DLG2: variants seen among roughly 807,000 people sequenced by gnomAD.
DLG2 encodes the protein discs large MAGUK scaffold protein 2, also known as disks large homolog 2.
Under a neutral mutation model 132.5 loss-of-function variants are expected in DLG2, and 45 were observed. The observed-to-expected ratio is 0.34, with a 90% CI of 0.27 to 0.44. DLG2 has a LOEUF of 0.44. Ranked by LOEUF, DLG2 falls within the 20% of genes least tolerant of loss-of-function variation. The probability of loss-of-function intolerance (pLI) is 1.00; values close to 1 mark genes in which losing one functional copy is unlikely to be tolerated. For missense variants in DLG2, 1,045 were observed against 1,196.9 expected (o/e 0.87, Z 1.87); for synonymous variants, 424 against 419.6 (o/e 1.01, Z -0.13).
chr11:84,434,019 G>A (rs2098992987), intron 7 of DLG2, among the ~76,000 whole-genome samples: 1 of 151,742 alleles, frequency 6.6e-6, no homozygotes, highest in African/African-American at 2.4e-5. Context: ...TCGGAAGGCT[G>A]CGGTGGGAGG....
At chr11:84,309,786 T>C (rs2098268930) in intron 7 of DLG2, among the ~76,000 whole-genome samples, 1 of 152,212 alleles carries the variant, frequency 6.6e-6, no homozygotes, top group Non-Finnish European at 1.5e-5. Context: ...TTGTATGAGA[T>C]TCACACTCAG....
chr11:84,919,425 G>T (rs1566393103), intron 6 of DLG2, among the ~76,000 whole-genome samples: 1 of 152,076 alleles, frequency 6.6e-6, no homozygotes, highest in Non-Finnish European at 1.5e-5. Context: ...AAAAGTTATT[G>T]TATTTACGCT....
At chr11:84,592,260 T>C (rs966044177) in intron 6 of DLG2, among the ~76,000 whole-genome samples, 8 of 152,182 alleles carry the variant, frequency 5.3e-5, no homozygotes, top group Non-Finnish European at 1.0e-4. Context: ...TTTGTGAGTA[T>C]TGTTGAAAGT....
chr11:83,655,465 G>C (rs947319992), intron 18 of DLG2, among the ~76,000 whole-genome samples: 6 of 152,156 alleles, frequency 3.9e-5, no homozygotes, highest in African/African-American at 1.4e-4. Flanking sequence ...ACTTGTCAGA[G>C]TGCTTATATT....
intron 17 of DLG2, among the ~76,000 whole-genome samples, chr11:83,807,373 C>T (rs1056390231): frequency 6.6e-6 from 1 of 152,156 alleles, no homozygotes; most frequent in Non-Finnish European, 1.5e-5. Context: ...TTTCCAGCCT[C>T]CCAATTTAGC....
intron 21 of DLG2, chr11:83,486,336 C>A: frequency 1.7e-6 from 1 of 596,054 alleles, no homozygotes; most frequent in East Asian, 3.0e-5. Flanking sequence ...TCAACATCAC[C>A]AATGACTTGT....
At chr11:85,403,765 T>C (rs1330496562) in intron 3 of DLG2, among the ~76,000 whole-genome samples, 1 of 151,944 alleles carries the variant, frequency 6.6e-6, no homozygotes, top group African/African-American at 2.4e-5. Flanking sequence ...CTCTGGTAGA[T>C]ATGTGAAAGA....
At chr11:83,861,061 G>T (rs1332633181) in intron 16 of DLG2, among the ~76,000 whole-genome samples, 1 of 152,002 alleles carries the variant, frequency 6.6e-6, no homozygotes, top group Non-Finnish European at 1.5e-5. Flanking sequence ...TGTGAAAATG[G>T]ACTAATAAAA....
Position 85,590,023 on chromosome 11 carries a change from C to A in DLG2, c.40+8634G>T, listed in dbSNP as rs574190454. Among the ~76,000 whole-genome samples the A allele has an allele frequency of 5.3e-5, 8 of 152,090 alleles. No homozygotes were observed. The South Asian group carries it at 1.7e-3, about 32-fold the overall frequency. ...CTTCTAATGATTTTAACTGTTTAAT[C>A]CAAATAACCATTTACTTCAAAGGAC... On this transcript the variant is annotated intron_variant, in intron 3 of 27. Transcript: ENST00000376104.
intron 18 of DLG2, among the ~76,000 whole-genome samples, chr11:83,761,423 C>T (rs2093903063): frequency 6.6e-6 from 1 of 152,186 alleles, no homozygotes; most frequent in Non-Finnish European, 1.5e-5. Flanking sequence ...TTTGGCCAAT[C>T]CCAAGTTGAT....
chr11:83,703,293 T>A (rs1566611131), intron 18 of DLG2, among the ~76,000 whole-genome samples: 2 of 152,210 alleles, frequency 1.3e-5, no homozygotes, highest in Non-Finnish European at 2.9e-5. Flanking sequence ...TGGGACTTTA[T>A]TAACCTAGGT....
chr11:84,869,836 C>G (rs886776711), intron 6 of DLG2, among the ~76,000 whole-genome samples: 6 of 152,210 alleles, frequency 3.9e-5, no homozygotes, highest in Non-Finnish European at 8.8e-5. Context: ...CAACAACTAA[C>G]TTATGCAATT....
At chr11:84,194,733 C>A (rs1001679180) in intron 8 of DLG2, among the ~76,000 whole-genome samples, 1 of 152,224 alleles carries the variant, frequency 6.6e-6, no homozygotes, top group East Asian at 1.9e-4. Context: ...GCTGGCTTTG[C>A]CTAGTGTATC....
intron 3 of DLG2, among the ~76,000 whole-genome samples, chr11:85,466,680 G>C (rs2092802518): frequency 6.6e-6 from 1 of 152,062 alleles, no homozygotes; most frequent in African/African-American, 2.4e-5. Context: ...TCTCTGTTTT[G>C]GTACCAGTAG....
intron 7 of DLG2, among the ~76,000 whole-genome samples, chr11:84,302,527 C>T (rs993600132): frequency 1.3e-5 from 2 of 151,924 alleles, no homozygotes; most frequent in Admixed American, 1.3e-4. Flanking sequence ...GAGCACGTGT[C>T]AATAAAATTT....
intron 6 of DLG2, among the ~76,000 whole-genome samples, chr11:84,680,599 T>C (rs1283390728): frequency 6.6e-6 from 1 of 152,194 alleles, no homozygotes; most frequent in Non-Finnish European, 1.5e-5. Context: ...TCTAAAAATT[T>C]AGCTAATCTG....
chr11:85,394,386 T>A (rs991799989), intron 3 of DLG2, among the ~76,000 whole-genome samples: 2 of 152,192 alleles, frequency 1.3e-5, no homozygotes, highest in East Asian at 1.9e-4. Context: ...CCAATGAGCA[T>A]GGCAATAGCC....
chr11:85,527,746 G>A (rs2074891426), intron 3 of DLG2, among the ~76,000 whole-genome samples: 1 of 152,060 alleles, frequency 6.6e-6, no homozygotes, highest in African/African-American at 2.4e-5. Context: ...GACATTTCTG[G>A]TTTTAGATCC....
At chr11:83,521,807 T>C (rs1269311597) in intron 21 of DLG2, among the ~76,000 whole-genome samples, 1 of 152,114 alleles carries the variant, frequency 6.6e-6, no homozygotes, top group Non-Finnish European at 1.5e-5. Context: ...GTAGGCTCTA[T>C]GATTTCTCCC....
Sources: gnomAD v4.1 joint callset for allele counts (sites outside exome capture counted in the v4.1 genomes callset) on GRCh38, gnomAD v4.1.1 for gene constraint, MANE v1.5 for transcripts, NCBI Gene and HGNC (gene_info 2026-07-23, HGNC 2026-07-21) for gene names.